SAMTOR: variants seen among roughly 807,000 people sequenced by gnomAD.
SAMTOR encodes the protein UPF0532 protein C7orf60.
the SAMTOR span, among the ~76,000 whole-genome samples, chr7:112,899,924 C>T: frequency 6.6e-6 from 1 of 151,864 alleles, no homozygotes; most frequent in African/African-American, 2.4e-5. Flanking sequence ...ACCAGAAATG[C>T]TAAAGAGAAT....
chr7:112,918,372 A>G, the SAMTOR span, among the ~76,000 whole-genome samples: 1 of 152,198 alleles, frequency 6.6e-6, no homozygotes, highest in Non-Finnish European at 1.5e-5. Flanking sequence ...AGGAGAAATA[A>G]AATACTTTAC....
At chr7:112,911,310 A>C in the SAMTOR span, among the ~76,000 whole-genome samples, 8 of 152,312 alleles carry the variant, frequency 5.3e-5, no homozygotes, top group Non-Finnish European at 1.0e-4. Flanking sequence ...TAATACTCAC[A>C]GAACAGGATT....
the SAMTOR span, among the ~76,000 whole-genome samples, chr7:112,922,889 G>GCCC: frequency 3.1e-5 from 3 of 96,462 alleles, no homozygotes; most frequent in African/African-American, 1.3e-4. Context: ...GGGGGGGTCA[G>GCCC]CCCCCCCCCC....
At chr7:112,848,216 T>C in the SAMTOR span, among the ~76,000 whole-genome samples, 3 of 152,182 alleles carry the variant, frequency 2.0e-5, no homozygotes, top group Non-Finnish European at 4.4e-5. Flanking sequence ...ACTATAATTA[T>C]AAATATATAG....
the SAMTOR span, among the ~76,000 whole-genome samples, chr7:112,828,249 A>G: frequency 6.6e-6 from 1 of 152,206 alleles, no homozygotes; most frequent in African/African-American, 2.4e-5. Flanking sequence ...TAAACAATAT[A>G]AATTTTCTCA....
At chr7:112,850,301 T>C in the SAMTOR span, among the ~76,000 whole-genome samples, 1 of 152,202 alleles carries the variant, frequency 6.6e-6, no homozygotes, top group East Asian at 1.9e-4. Flanking sequence ...GGATTTGGTG[T>C]GCTAGTATTT....
the SAMTOR span, among the ~76,000 whole-genome samples, chr7:112,920,335 C>T: frequency 6.6e-6 from 1 of 151,532 alleles, no homozygotes; most frequent in African/African-American, 2.4e-5. Flanking sequence ...ATAAACAGAG[C>T]CAAAGACAAA....
At chr7:112,869,138 C>A in the SAMTOR span, among the ~76,000 whole-genome samples, 1 of 152,108 alleles carries the variant, frequency 6.6e-6, no homozygotes, top group African/African-American at 2.4e-5. Flanking sequence ...AACAGCAAAG[C>A]CAAGGAATGA....
chr7:112,936,839 C>A, the SAMTOR span, among the ~76,000 whole-genome samples: 1 of 152,142 alleles, frequency 6.6e-6, no homozygotes, highest in African/African-American at 2.4e-5. Context: ...ATCATCCATT[C>A]CCATCAATTT....
At chr7:112,845,403 A>C in the SAMTOR span, among the ~76,000 whole-genome samples, 1 of 152,114 alleles carries the variant, frequency 6.6e-6, no homozygotes, top group Non-Finnish European at 1.5e-5. Context: ...AGAAAAAACA[A>C]CCCCATTATA....
At chr7:112,893,145 C>G in the SAMTOR span, among the ~76,000 whole-genome samples, 5 of 152,228 alleles carry the variant, frequency 3.3e-5, no homozygotes, top group African/African-American at 9.6e-5. Flanking sequence ...TCACCAGCTG[C>G]ATTAGCCCCT....
At chr7:112,908,096 A>G in the SAMTOR span, among the ~76,000 whole-genome samples, 1 of 152,208 alleles carries the variant, frequency 6.6e-6, no homozygotes, top group Non-Finnish European at 1.5e-5. Flanking sequence ...AATGAGGAAT[A>G]TATCTGTATA....
the SAMTOR span, among the ~76,000 whole-genome samples, chr7:112,870,128 T>C: frequency 6.6e-6 from 1 of 152,256 alleles, no homozygotes; most frequent in East Asian, 1.9e-4. Flanking sequence ...AAAACATACA[T>C]GAGGACATAA....
chr7:112,920,795 A>C, the SAMTOR span, among the ~76,000 whole-genome samples: 2 of 151,900 alleles, frequency 1.3e-5, no homozygotes, highest in African/African-American at 4.8e-5. Context: ...AAGCATTCTT[A>C]TACACCAATA....
chr7:112,890,122 G>C, the SAMTOR span, among the ~76,000 whole-genome samples: 1 of 152,144 alleles, frequency 6.6e-6, no homozygotes, highest in Non-Finnish European at 1.5e-5. Context: ...TGGCTGATGG[G>C]GAGGCTATGT....
chr7:112,870,692 A>G, the SAMTOR span, among the ~76,000 whole-genome samples: 4 of 151,980 alleles, frequency 2.6e-5, no homozygotes, highest in Non-Finnish European at 5.9e-5. Context: ...ATCAATATTA[A>G]CCTTGAATGT....
chr7:112,870,251 A>G, the SAMTOR span, among the ~76,000 whole-genome samples: 1 of 152,186 alleles, frequency 6.6e-6, no homozygotes, highest in Non-Finnish European at 1.5e-5. Flanking sequence ...CATAGTCACT[A>G]GACTATCCAA....
the SAMTOR span, among the ~76,000 whole-genome samples, chr7:112,891,445 T>C: frequency 6.6e-6 from 1 of 152,216 alleles, no homozygotes; most frequent in African/African-American, 2.4e-5. Context: ...TGCTTAAGAG[T>C]ATCTTACTTT....
the SAMTOR span, among the ~76,000 whole-genome samples, chr7:112,865,750 TACATATATTCATATATATATTTC>T: frequency 8.0e-5 from 11 of 138,072 alleles, no homozygotes; most frequent in African/African-American, 3.1e-4. Flanking sequence ...ATTTCATATA[TACATATATTCATATATATATTTC>T]ATATATATTC....
Sources: allele counts gnomAD v4.1 joint callset (sites outside exome capture counted in the v4.1 genomes callset), GRCh38; gene constraint gnomAD v4.1.1; transcripts MANE v1.5; gene names NCBI Gene and HGNC (gene_info 2026-07-23, HGNC 2026-07-21).